The following PPP1R10 variants were observed in gnomAD, a reference collection of about 807,000 sequenced individuals.
PPP1R10 encodes the protein serine/threonine-protein phosphatase 1 regulatory subunit 10.
A neutral mutation model predicts 99.0 loss-of-function variants in PPP1R10; 15 were observed. That is an observed-to-expected ratio of 0.15 (90% confidence interval 0.10 to 0.23). PPP1R10 has a LOEUF of 0.23. Ranked by LOEUF, PPP1R10 falls within the 10% of genes least tolerant of loss-of-function variation. The probability of loss-of-function intolerance (pLI) is 1.00; values close to 1 mark genes in which losing one functional copy is unlikely to be tolerated. For missense variants in PPP1R10, 947 were observed against 1,259.4 expected, an observed-to-expected ratio of 0.75 and a Z score of 3.75; for synonymous variants, 430 against 449.5, an observed-to-expected ratio of 0.96 and a Z score of 0.55.
chr6:30,609,980 A>C lies in PPP1R10; in HGVS notation c.-11-25T>G, dbSNP rs199861001. The C allele has an allele frequency of 6.9e-5, 105 of 1,520,882 alleles. No homozygotes were observed. The highest frequency in any genetic ancestry group is 4.3e-4 in the Admixed American group (26 of 59,826). 94.2% of individuals were successfully genotyped at this position (1,520,882 alleles called of 1,614,324 possible). ...TCTATGGTAAGAGGACAAAACAAAC[A>C]AACCCACAGAATAAATGGGTGGCAA... On this transcript the variant is annotated intron_variant, in intron 2 of 19. Transcript: ENST00000376511. This position sits in a 1 kb window ranked among gnomAD's most constrained non-coding sequence, Gnocchi z 4.5.
chr6:30,611,059 A>G (rs888158107), intron 2 of PPP1R10, among the ~76,000 whole-genome samples: 1 of 152,200 alleles, frequency 6.6e-6, no homozygotes, highest in African/African-American at 2.4e-5. Flanking sequence ...CTGTAATCCC[A>G]GCACTTTGGG....
chr6:30,603,597 C>T lies in PPP1R10; in HGVS notation c.1642G>A (p.Gly548Arg). 1.9e-6 allele frequency: 3 copies of T among 1,614,024 alleles called. No homozygotes were observed. Among genetic ancestry groups the T allele is most frequent in the Non-Finnish European group, 2.5e-6 (3 of 1,179,976 alleles). The change falls in exon 16 of 20, where the codon GGG becomes AGG. Residue 548 changes from glycine (G) to arginine (R), a missense_variant. By Grantham distance (125) the Gly-to-Arg change is moderately radical (BLOSUM62 -2). This residue lies in a region of PPP1R10 where 525 missense variants were observed against 578.8 expected (regional missense o/e 0.91). Coordinates refer to ENST00000376511, the MANE Select transcript of PPP1R10 (RefSeq NM_002714.4). ...GGAGGCAACTTGGAGCCTCCTGCCC[C>T]ATCAGGTGAGCCACCTGACCCCCCA... The part of the protein sequence containing the change: ...EPGGSGGSPD[G>R]AGGSKLPPVL...
chr6:30,608,652 A>G, intron 5 of PPP1R10, 127 bp downstream of exon 5: 1 of 1,230,884 alleles, frequency 8.1e-7, no homozygotes, highest in Non-Finnish European at 1.1e-6. Context: ...CTTCTTCTAA[A>G]TTCCTATTTT....
intron 2 of PPP1R10, among the ~76,000 whole-genome samples, chr6:30,611,052 T>C (rs1804501369): frequency 6.6e-6 from 1 of 152,236 alleles, no homozygotes; most frequent in Non-Finnish European, 1.5e-5. Flanking sequence ...CTCATGCCTG[T>C]AATCCCAGCA....
chr6:30,601,420 G>C lies in PPP1R10; in HGVS notation c.*129C>G. 1 of 717,514 alleles carries C rather than the reference G, an allele frequency of 1.4e-6. No homozygotes were observed. Among genetic ancestry groups the C allele is most frequent in the Non-Finnish European group, 2.3e-6 (1 of 426,682 alleles). 44.4% of individuals were successfully genotyped at this position (717,514 alleles called of 1,614,324 possible). A position where few individuals can be genotyped will look rare whatever the true frequency, so the allele number is the denominator to read the frequency against. The stretch of plus-strand genomic sequence containing the variant: ...AAACCCCCAGGAACCCAAGCAAGTG[G>C]GAACTGAGGGGGCCGGCTCCTCATC... On this transcript the variant is annotated 3_prime_UTR_variant, in exon 20 of 20. Transcript: ENST00000376511.
In PPP1R10 at chr6:30,610,096, T is replaced by C. The variant is rs9348841; in HGVS notation, c.-11-141A>G. On this transcript the variant is annotated intron_variant, in intron 2 of 19. Transcript: ENST00000376511. ...ATTCAACTATGCTATTTTTTAGATA[T>C]GAAAAATCGACACAGACCACTTGCC... 3.8e-3 allele frequency: 2,423 copies of C among 637,894 alleles called. 104 individuals carry two copies. The East Asian group carries it at 0.064, about 17-fold the overall frequency. The allele number at this position is 637,894 out of a possible 1,614,324, so 39.5% of individuals were successfully genotyped here.
chr6:30,604,883 C>T lies in PPP1R10; in HGVS notation c.954+111G>A, dbSNP rs1298643685. The stretch of plus-strand genomic sequence containing the variant: ...TGTCTCACCTGCACCAGTCTATATC[C>T]AAGGCAAAACGCCTCTTGTTGTCCT... On this transcript the variant is annotated intron_variant, in intron 11 of 19. Coordinates refer to ENST00000376511, the MANE Select transcript of PPP1R10 (RefSeq NM_002714.4). This position sits in a 1 kb window ranked among gnomAD's most constrained non-coding sequence, Gnocchi z 7.3. The T allele has an allele frequency of 2.0e-6, 3 of 1,504,630 alleles. No homozygotes were observed. The highest frequency in any genetic ancestry group is 2.8e-6 in the Non-Finnish European group (3 of 1,083,184). 93.2% of individuals were successfully genotyped at this position (1,504,630 alleles called of 1,614,324 possible).
In PPP1R10 at chr6:30,606,302, C is replaced by G; in HGVS notation, c.635-59G>C. 1.3e-6 allele frequency: 2 copies of G among 1,592,404 alleles called. No individual in the cohort carries two copies. The highest frequency in any genetic ancestry group is 1.7e-6 in the Non-Finnish European group (2 of 1,164,624). ...TCAAACCCCAGACCCCCGAATTTTCCTCCCGTTCTCACCCGCAAATGTTCT... is the reference window on the plus strand; with the variant it reads ...TCAAACCCCAGACCCCCGAATTTTCGTCCCGTTCTCACCCGCAAATGTTCT... On this transcript the variant is annotated intron_variant, in intron 8 of 19. Coordinates refer to ENST00000376511, the MANE Select transcript of PPP1R10 (RefSeq NM_002714.4). This position sits in a 1 kb window ranked among gnomAD's most constrained non-coding sequence, Gnocchi z 6.3.
chr6:30,616,433 T>C (rs775335338), intron 2 of PPP1R10, 45 bp downstream of exon 2: 1 of 152,566 alleles, frequency 6.6e-6, no homozygotes, highest in South Asian at 2.1e-4. Context: ...ACGGGAAACG[T>C]TGATTTCTTG....
intron 6 of PPP1R10, among the ~76,000 whole-genome samples, chr6:30,607,478 T>C (rs888996153): frequency 6.6e-6 from 1 of 152,226 alleles, no homozygotes; most frequent in African/African-American, 2.4e-5. Flanking sequence ...TTTCCACTTA[T>C]AAACTCATTT....
intron 6 of PPP1R10, 81 bp downstream of exon 6, chr6:30,607,759 C>T: frequency 1.4e-6 from 2 of 1,472,120 alleles, no homozygotes; most frequent in South Asian, 1.2e-5. Flanking sequence ...AAGGGACAAT[C>T]CAAGGATGGG....
At position 30,602,577 on chromosome 6, in the gene PPP1R10, G is replaced by A; in HGVS notation, c.2072C>T (p.Pro691Leu). ...DGPGDPMRGGPMRGGPGPGPG... is the reference protein window; with the variant it reads ...DGPGDPMRGGLMRGGPGPGPG... Reference sequence around the variant, plus strand: ...ACCTGGTCCTGGACCCCCCCGCATTGGGCCACCCCGCATAGGGTCGCCCGG... The same window carrying A: ...ACCTGGTCCTGGACCCCCCCGCATTAGGCCACCCCGCATAGGGTCGCCCGG... Residue 691 changes from proline (P) to leucine (L), a missense_variant, in exon 19 of 20, where the codon CCA becomes CTA. Coordinates refer to ENST00000376511, the MANE Select transcript of PPP1R10 (RefSeq NM_002714.4). The surrounding 1 kb of genome is among the most constrained non-coding windows in gnomAD (Gnocchi z 6.7). 6.4e-7 allele frequency: 1 copy of A among 1,566,702 alleles called. No homozygotes were observed. Among genetic ancestry groups the A allele is most frequent in the Non-Finnish European group, 8.6e-7 (1 of 1,159,146 alleles).
In PPP1R10 at chr6:30,608,774, G is replaced by A; in HGVS notation, c.330+5C>T. 1 of 1,613,542 alleles carries A rather than the reference G, an allele frequency of 6.2e-7. No homozygotes were observed. The highest frequency in any genetic ancestry group is 8.5e-7 in the Non-Finnish European group (1 of 1,179,668). ...GAAGAATCAGGGTTTAAAGACTAAA[G>A]GTACCTGCTTGAGATGGTCTACAGT... On this transcript the variant is annotated splice_donor_5th_base_variant and intron_variant, in intron 5 of 19. Transcript: ENST00000376511.
chr6:30,609,217 G>A lies in PPP1R10; in HGVS notation c.108-54C>T, dbSNP rs957131946. ...GAAGCAGCCAGTATCTCTTCTCTTA[G>A]CAAAAGCGCCTCTCTGTGAACTGCC... is the stretch of plus-strand genomic sequence containing the variant. On this transcript the variant is annotated intron_variant, in intron 3 of 19. Coordinates refer to ENST00000376511, the MANE Select transcript of PPP1R10 (RefSeq NM_002714.4). This position sits in a 1 kb window ranked among gnomAD's most constrained non-coding sequence, Gnocchi z 4.5. 3 of 1,560,882 alleles carry A rather than the reference G, an allele frequency of 1.9e-6. No homozygotes were observed. Among genetic ancestry groups the A allele is most frequent in the East Asian group, 2.2e-5 (1 of 44,636 alleles).
Position 30,601,292 on chromosome 6 carries a change from G to A in PPP1R10, c.*257C>T. ...TACAGGGCGAATCTTCTCAAAAAGT[G>A]AAGCCAACTGGGTCTCCTCTTCAGC... is the stretch of plus-strand genomic sequence containing the variant. On this transcript the variant is annotated 3_prime_UTR_variant, in exon 20 of 20. Coordinates refer to ENST00000376511, the MANE Select transcript of PPP1R10 (RefSeq NM_002714.4). 2 of 517,878 alleles carry A rather than the reference G, an allele frequency of 3.9e-6. No homozygotes were observed. The highest frequency in any genetic ancestry group is 3.4e-6 in the Non-Finnish European group (1 of 292,084). The allele number at this position is 517,878 out of a possible 1,614,324, so 32.1% of individuals were successfully genotyped here.
At chr6:30,608,040 G>A (rs1687604939) in intron 5 of PPP1R10, 149 bp from the exon 6 acceptor site, 1 of 773,332 alleles carries the variant, frequency 1.3e-6, no homozygotes, top group Non-Finnish European at 2.0e-6. Flanking sequence ...CCAGGCTAGA[G>A]TGCAGTGGCG....
intron 2 of PPP1R10, 149 bp from the exon 3 acceptor site, chr6:30,610,104 C>A (rs947612285): frequency 3.2e-6 from 2 of 623,864 alleles, no homozygotes; most frequent in African/African-American, 1.8e-5. Flanking sequence ...TATGAAAAAT[C>A]GACACAGACC....
rs1403938154 is a variant in PPP1R10, at chr6:30,609,701, G to A, written c.107+137C>T. On this transcript the variant is annotated intron_variant, in intron 3 of 19. Transcript: ENST00000376511. This position sits in a 1 kb window ranked among gnomAD's most constrained non-coding sequence, Gnocchi z 4.5. ...TTTTCCTATCCCTTATCCTAAAATT[G>A]TTACATTTTAATCCTATTGCACTGA... 2.7e-6 allele frequency: 2 copies of A among 734,234 alleles called. No homozygotes were observed. The highest frequency in any genetic ancestry group is 4.6e-6 in the Non-Finnish European group (2 of 435,622). The allele number at this position is 734,234 out of a possible 1,614,324, so 45.5% of individuals were successfully genotyped here. A position where few individuals can be genotyped will look rare whatever the true frequency, so the allele number is the denominator to read the frequency against.
chr6:30,615,780 T>C (rs906878505), intron 2 of PPP1R10, among the ~76,000 whole-genome samples: 3 of 152,212 alleles, frequency 2.0e-5, no homozygotes, highest in Non-Finnish European at 2.9e-5. Flanking sequence ...TAAGACATTC[T>C]TTACCTCCCC....
Sources: allele counts gnomAD v4.1 joint callset (sites outside exome capture counted in the v4.1 genomes callset), GRCh38; gene constraint gnomAD v4.1.1; regional missense constraint gnomAD v4.1.1; non-coding constraint Gnocchi (gnomAD v3.1); transcripts MANE v1.5; gene names NCBI Gene and HGNC (gene_info 2026-07-23, HGNC 2026-07-21).